The following CNTNAP5 variants were observed in gnomAD, a reference collection of about 807,000 sequenced individuals.
The protein encoded by CNTNAP5 is contactin associated protein family member 5.
A neutral mutation model predicts 150.2 loss-of-function variants in CNTNAP5; 72 were observed. The ratio of observed to expected loss-of-function variants is 0.48; its 90% CI spans 0.40 to 0.58. The LOEUF (loss-of-function observed/expected upper bound fraction) is 0.58, where lower values mean the gene tolerates loss of function less well. CNTNAP5 is among the 20% of genes least tolerant of loss of function. The pLI is 0.00. For synonymous variants in CNTNAP5, 672 were observed against 619.8 expected, an observed-to-expected ratio of 1.08 and a Z score of -1.25; for missense variants, 1,636 against 1,626.2, an observed-to-expected ratio of 1.01 and a Z score of -0.10.
At chr2:124,867,864 A>G (rs1436128580) in intron 20 of CNTNAP5, among the ~76,000 whole-genome samples, 2 of 152,210 alleles carry the variant, frequency 1.3e-5, no homozygotes, top group Non-Finnish European at 2.9e-5. Context: ...AATATCCGTT[A>G]GGCATTGGAA....
intron 1 of CNTNAP5, among the ~76,000 whole-genome samples, chr2:124,078,744 G>A (rs954898786): frequency 6.6e-6 from 1 of 152,172 alleles, no homozygotes; most frequent in African/African-American, 2.4e-5. Flanking sequence ...TTGAGACAAG[G>A]AATTGGGTGC....
chr2:124,803,205 A>T (rs901215896), intron 19 of CNTNAP5, among the ~76,000 whole-genome samples: 1 of 152,102 alleles, frequency 6.6e-6, no homozygotes, highest in African/African-American at 2.4e-5. Flanking sequence ...TTCTAGGTAG[A>T]ATGAGTTAAA....
chr2:124,310,875 C>T (rs1010757278), intron 3 of CNTNAP5, among the ~76,000 whole-genome samples: 14 of 152,312 alleles, frequency 9.2e-5, no homozygotes, highest in African/African-American at 1.7e-4. Context: ...TTAAGCCCAG[C>T]GCTCAGCAGC....
At chr2:124,759,348 TTA>T (rs201675788) in intron 14 of CNTNAP5, among the ~76,000 whole-genome samples, 5,654 of 146,862 alleles carry the variant, frequency 0.038, 143 homozygotes, top group South Asian at 0.066. Flanking sequence ...TATATATACA[TTA>T]TATATATATT....
intron 2 of CNTNAP5, among the ~76,000 whole-genome samples, chr2:124,222,961 A>T (rs766041794): frequency 9.9e-5 from 15 of 152,176 alleles, no homozygotes; most frequent in Middle Eastern, 3.2e-3. Context: ...TAAAAACAAA[A>T]GAATGGCCAA....
intron 3 of CNTNAP5, among the ~76,000 whole-genome samples, chr2:124,357,294 G>A (rs1440517129): frequency 6.6e-6 from 1 of 152,152 alleles, no homozygotes; most frequent in Non-Finnish European, 1.5e-5. Flanking sequence ...TTGCTGTGCA[G>A]AAGCTCTTTA....
intron 3 of CNTNAP5, among the ~76,000 whole-genome samples, chr2:124,346,969 G>A (rs1174503827): frequency 6.6e-6 from 1 of 150,382 alleles, no homozygotes. Context: ...CGTGCCTGTA[G>A]TCCCAGCTAC....
intron 17 of CNTNAP5, among the ~76,000 whole-genome samples, chr2:124,773,340 G>A (rs1214522859): frequency 6.6e-6 from 1 of 152,146 alleles, no homozygotes; most frequent in South Asian, 2.1e-4. Flanking sequence ...GACAGGACAT[G>A]TCAACTCTTT....
chr2:124,651,661 G>A (rs1030833017), intron 13 of CNTNAP5, among the ~76,000 whole-genome samples: 2 of 152,180 alleles, frequency 1.3e-5, no homozygotes, highest in Non-Finnish European at 2.9e-5. Flanking sequence ...AGAGCCAAGA[G>A]TTACAAGTAA....
chr2:124,303,632 TAA>T (rs1272436373), intron 3 of CNTNAP5, among the ~76,000 whole-genome samples: 1 of 152,190 alleles, frequency 6.6e-6, no homozygotes, highest in Non-Finnish European at 1.5e-5. Context: ...ATAGATTATC[TAA>T]AAGAGTAAAA....
intron 1 of CNTNAP5, among the ~76,000 whole-genome samples, chr2:124,092,119 C>G (rs1459989075): frequency 6.6e-6 from 1 of 152,124 alleles, no homozygotes; most frequent in Admixed American, 6.5e-5. Flanking sequence ...CAATCTCTTT[C>G]TGGGCTTTAG....
chr2:124,465,535 T>C (rs1352051946), intron 6 of CNTNAP5, among the ~76,000 whole-genome samples: 3 of 152,206 alleles, frequency 2.0e-5, no homozygotes, highest in Non-Finnish European at 4.4e-5. Context: ...GTGCTCTTTT[T>C]AAAATCCAAT....
At chr2:124,813,393 T>G (rs1402085073) in intron 19 of CNTNAP5, among the ~76,000 whole-genome samples, 1 of 148,200 alleles carries the variant, frequency 6.7e-6, no homozygotes, top group Non-Finnish European at 1.5e-5. Flanking sequence ...TTTTTTCTTT[T>G]TTTTTCTTTT....
intron 14 of CNTNAP5, among the ~76,000 whole-genome samples, chr2:124,748,457 A>C (rs1680654789): frequency 6.6e-6 from 1 of 152,144 alleles, no homozygotes; most frequent in Non-Finnish European, 1.5e-5. Flanking sequence ...TTGATTGTGA[A>C]AATATGTACA....
At chr2:124,110,217 C>T (rs897296654) in intron 1 of CNTNAP5, among the ~76,000 whole-genome samples, 2 of 152,184 alleles carry the variant, frequency 1.3e-5, no homozygotes, top group African/African-American at 4.8e-5. Context: ...TTTAAATCAT[C>T]TGTTGTTATG....
chr2:124,389,148 C>G (rs1277474943), intron 3 of CNTNAP5, among the ~76,000 whole-genome samples: 1 of 151,980 alleles, frequency 6.6e-6, no homozygotes, highest in East Asian at 1.9e-4. Flanking sequence ...CAAACAGAAA[C>G]CTTTTCTGTC....
intron 2 of CNTNAP5, among the ~76,000 whole-genome samples, chr2:124,235,380 A>G (rs939335251): frequency 6.6e-6 from 1 of 152,048 alleles, no homozygotes; most frequent in African/African-American, 2.4e-5. Context: ...AACATCCTCA[A>G]CAAGACCACT....
intron 3 of CNTNAP5, among the ~76,000 whole-genome samples, chr2:124,312,181 A>C (rs1688846631): frequency 1.3e-5 from 2 of 152,230 alleles, no homozygotes; most frequent in African/African-American, 4.8e-5. Flanking sequence ...AGCTTGCTGA[A>C]GAGCAAATTC....
intron 14 of CNTNAP5, among the ~76,000 whole-genome samples, chr2:124,759,416 T>TTATA (rs112394055): frequency 3.5e-5 from 5 of 144,908 alleles, no homozygotes; most frequent in East Asian, 2.0e-4. Context: ...TATATACACA[T>TTATA]TATATATATA....
Sources: gnomAD v4.1 joint callset for allele counts (sites outside exome capture counted in the v4.1 genomes callset) on GRCh38, gnomAD v4.1.1 for gene constraint, MANE v1.5 for transcripts, NCBI Gene and HGNC (gene_info 2026-07-23, HGNC 2026-07-21) for gene names.